KRIT1: variants seen among roughly 807,000 people sequenced by gnomAD.
KRIT1 encodes the protein KRIT1 ankyrin repeat containing.
A neutral mutation model predicts 95.8 loss-of-function variants in KRIT1; 45 were observed. That is an observed-to-expected ratio of 0.47 (90% CI 0.37 to 0.60). The LOEUF is 0.60. Among genes scored for constraint, KRIT1 ranks in the 20% least tolerant of loss-of-function variants. KRIT1 has a pLI of 0.00. For synonymous variants in KRIT1, 282 were observed against 278.8 expected (o/e 1.01, Z -0.11); for missense variants, 788 against 877.5 (o/e 0.90, Z 1.29).
At chr7:92,229,839 C>T (rs985556557) in intron 10 of KRIT1, among the ~76,000 whole-genome samples, 1 of 152,080 alleles carries the variant, frequency 6.6e-6, no homozygotes, top group Non-Finnish European at 1.5e-5. Context: ...TCCAAAGTGC[C>T]CTACATACAA....
chr7:92,234,745 C>T, intron 9 of KRIT1, 63 bp downstream of exon 9: 2 of 1,169,888 alleles, frequency 1.7e-6, no homozygotes, highest in Middle Eastern at 1.9e-4. Flanking sequence ...TAATTTTAAA[C>T]AATACTTTAA....
chr7:92,237,564 A>G (rs768943389), intron 6 of KRIT1, 103 bp downstream of exon 6: 7 of 534,928 alleles, frequency 1.3e-5, no homozygotes, highest in Non-Finnish European at 2.3e-5. Flanking sequence ...GTATTTTATA[A>G]TATTATAGTA....
At chr7:92,209,128 GA>G (rs1792212602) in intron 17 of KRIT1, among the ~76,000 whole-genome samples, 1 of 151,818 alleles carries the variant, frequency 6.6e-6, no homozygotes, top group Non-Finnish European at 1.5e-5. Context: ...AGAATTTCAT[GA>G]AGTTCAATAT....
intron 14 of KRIT1, among the ~76,000 whole-genome samples, chr7:92,216,371 T>A (rs902744152): frequency 4.7e-5 from 7 of 150,500 alleles, no homozygotes; most frequent in East Asian, 1.9e-4. Flanking sequence ...AAAAAAAAAA[T>A]TTCATGGGGA....
At chr7:92,228,653 T>C (rs777136500) in intron 10 of KRIT1, among the ~76,000 whole-genome samples, 2 of 152,186 alleles carry the variant, frequency 1.3e-5, no homozygotes, top group Admixed American at 6.5e-5. Context: ...TAAATTCTTG[T>C]CATGGGGGTG....
intron 3 of KRIT1, among the ~76,000 whole-genome samples, chr7:92,242,844 C>G (rs1273549826): frequency 6.6e-6 from 1 of 152,178 alleles, no homozygotes; most frequent in Non-Finnish European, 1.5e-5. Context: ...TAGACAGAGT[C>G]TCGCTCTGTC....
chr7:92,231,758 T>C (rs1290432945), intron 10 of KRIT1, among the ~76,000 whole-genome samples: 1 of 152,198 alleles, frequency 6.6e-6, no homozygotes, highest in Non-Finnish European at 1.5e-5. Flanking sequence ...AGGTGACCCA[T>C]ACTACTCCTG....
chr7:92,224,832 G>C (rs558763127), intron 12 of KRIT1, among the ~76,000 whole-genome samples: 1 of 152,290 alleles, frequency 6.6e-6, no homozygotes, highest in Admixed American at 6.5e-5. Context: ...AGAGACCTAA[G>C]TATAGGGATA....
intron 17 of KRIT1, among the ~76,000 whole-genome samples, chr7:92,204,561 T>C (rs1790946961): frequency 6.6e-6 from 1 of 151,862 alleles, no homozygotes; most frequent in Non-Finnish European, 1.5e-5. Context: ...GATGGTCCCA[T>C]CTGGGGGTGA....
At chr7:92,240,752 G>C (rs1799436975) in intron 5 of KRIT1, 3 of 520,848 alleles carry the variant, frequency 5.8e-6, no homozygotes, top group Non-Finnish European at 1.0e-5. Context: ...TACTTACCTA[G>C]GGAACTACAC....
chr7:92,238,235 T>C (rs1011616984), intron 5 of KRIT1, among the ~76,000 whole-genome samples: 6 of 152,236 alleles, frequency 3.9e-5, no homozygotes, highest in African/African-American at 1.4e-4. Flanking sequence ...TTGTTCTAAA[T>C]TGTAACTACC....
chr7:92,204,219 C>T (rs527377427), intron 17 of KRIT1: 8 of 151,510 alleles, frequency 5.3e-5, no homozygotes, highest in Non-Finnish European at 8.8e-5. Flanking sequence ...TATGATGGTG[C>T]CGCTGCACTC....
Position 92,235,600 on chromosome 7 carries a change from A to C in KRIT1, c.532T>G (p.Phe178Val). The change falls in exon 8 of 19, where the codon TTC (phenylalanine) becomes GTC (valine). Residue 178 changes from phenylalanine to valine, a missense_variant. Phe to Val is a conservative substitution (Grantham distance 50). Around this residue, in one of 3 missense-constraint regions of KRIT1, gnomAD observed 289 missense variants for 277.5 expected, o/e 1.04. Coordinates refer to ENST00000394505, the MANE Select transcript of KRIT1 (RefSeq NM_194454.3). ...ATCCGCTCAAGAGGAGAAGGTCGGA[A>C]TAAAGCTGGAATAAAGTGAGATTGT... ...HAQSHFIPAL[F>V]RPSPLERIKT... The C allele has an allele frequency of 6.2e-7, 1 of 1,613,906 alleles. No individual in the cohort carries two copies. The highest frequency in any genetic ancestry group is 8.5e-7 in the Non-Finnish European group (1 of 1,179,856).
chr7:92,211,856 G>A (rs1439679987), intron 17 of KRIT1, among the ~76,000 whole-genome samples: 4 of 152,022 alleles, frequency 2.6e-5, no homozygotes, highest in African/African-American at 9.7e-5. Context: ...ACTTTGGGAA[G>A]CTGAGGCAGG....
intron 14 of KRIT1, among the ~76,000 whole-genome samples, chr7:92,216,378 G>A (rs1240942232): frequency 1.3e-5 from 2 of 150,304 alleles, no homozygotes; most frequent in South Asian, 4.2e-4. Flanking sequence ...AAATTTCATG[G>A]GGAAAAAATG....
chr7:92,234,535 T>C lies in KRIT1; in HGVS notation c.903A>G (p.Ser301=), dbSNP rs768278812. The C allele has an allele frequency of 1.2e-6, 2 of 1,612,540 alleles. No homozygotes were observed. The highest frequency in any genetic ancestry group is 1.7e-5 in the Admixed American group (1 of 60,034). The change falls in exon 10 of 19, where the codon TCA becomes TCG. Residue 301 remains serine, a synonymous_variant. Transcript: ENST00000394505. ...CACTGAGAAGACGGCTTAGTAATTC[T>C]GAATCTCCTTCACAGGCGCTTCGGT... ...PLHRSACEGD[S]ELLSRLLSER...
At chr7:92,205,038 T>G (rs1394994492) in intron 17 of KRIT1, among the ~76,000 whole-genome samples, 1 of 152,146 alleles carries the variant, frequency 6.6e-6, no homozygotes, top group Non-Finnish European at 1.5e-5. Flanking sequence ...GTTATGTGAT[T>G]ATAAAGACCT....
intron 17 of KRIT1, among the ~76,000 whole-genome samples, chr7:92,212,838 A>C (rs1315275795): frequency 6.6e-6 from 1 of 152,220 alleles, no homozygotes; most frequent in Non-Finnish European, 1.5e-5. Context: ...ATGCATATAC[A>C]AGCAATATGT....
At chr7:92,229,900 A>G (rs1197182155) in intron 10 of KRIT1, among the ~76,000 whole-genome samples, 1 of 152,198 alleles carries the variant, frequency 6.6e-6, no homozygotes, top group Non-Finnish European at 1.5e-5. Context: ...ACTTAGGGGA[A>G]GGCAAAGGCT....
Sources: allele counts gnomAD v4.1 joint callset (sites outside exome capture counted in the v4.1 genomes callset), GRCh38; gene constraint gnomAD v4.1.1; regional missense constraint gnomAD v4.1.1; transcripts MANE v1.5; gene names NCBI Gene and HGNC (gene_info 2026-07-23, HGNC 2026-07-21).